Variants in MEAK7 observed in about 807,000 individuals in gnomAD.
MEAK7 encodes the protein MTOR-associated protein MEAK7.
A neutral mutation model predicts 40.5 loss-of-function variants in MEAK7; 68 were observed. The ratio of observed to expected loss-of-function variants is 1.68; its 90% CI spans 1.38 to 2.06. MEAK7 has a LOEUF of 2.06. Among genes scored for constraint, MEAK7 ranks in the 30% most tolerant of loss-of-function variants. The probability of loss-of-function intolerance (pLI) is 0.00; values close to 1 mark genes in which losing one functional copy is unlikely to be tolerated. For synonymous variants in MEAK7, 338 were observed against 231.9 expected (o/e 1.46, Z -4.16); for missense variants, 918 against 580.5 (o/e 1.58, Z -5.98).
At chr16:84,483,988 G>C (rs915960014) in intron 5 of MEAK7, among the ~76,000 whole-genome samples, 2 of 152,166 alleles carry the variant, frequency 1.3e-5, no homozygotes, top group Non-Finnish European at 2.9e-5. Context: ...CCAGAGGCTT[G>C]AGGGCAGGTT....
At chr16:84,489,801 T>C (rs1369871323) in intron 3 of MEAK7, among the ~76,000 whole-genome samples, 1 of 152,136 alleles carries the variant, frequency 6.6e-6, no homozygotes, top group African/African-American at 2.4e-5. Flanking sequence ...TAAGGTTTAT[T>C]TTGCTGAGTT....
In MEAK7 at chr16:84,480,542, G is replaced by C; in HGVS notation, c.1244C>G (p.Ser415Ter). The C allele has an allele frequency of 6.2e-7, 1 of 1,611,450 alleles. No individual in the cohort carries two copies. The highest frequency in any genetic ancestry group is 8.5e-7 in the Non-Finnish European group (1 of 1,178,870). The change falls in exon 7 of 8, where the codon TCA becomes TGA. Residue 415 changes from serine (S) to a stop codon, truncating the protein, a stop_gained. Coordinates refer to ENST00000343629, the MANE Select transcript of MEAK7 (RefSeq NM_020947.4). LOFTEE classifies it low-confidence loss of function (END_TRUNC). ...AGCTCCACTCACCAACTGCTCCTCT[G>C]AGGGGTCTCCAACCGCCCACACCTC... ...KMEVWAVGDPSEEQLAKGNKS... is the reference protein window; with the variant it reads ...KMEVWAVGDP
chr16:84,492,861 C>G (rs567525047), intron 3 of MEAK7, among the ~76,000 whole-genome samples: 2 of 152,162 alleles, frequency 1.3e-5, no homozygotes, highest in Admixed American at 6.5e-5. Context: ...GCATTACAGG[C>G]GTCAGCCACT....
At chr16:84,495,129 C>G (rs1398027803) in intron 3 of MEAK7, among the ~76,000 whole-genome samples, 3 of 152,082 alleles carry the variant, frequency 2.0e-5, no homozygotes, top group Non-Finnish European at 4.4e-5. Context: ...ATCGGCCAGG[C>G]ACGGTGGTGT....
At chr16:84,494,922 G>A (rs1395522520) in intron 3 of MEAK7, 3 of 421,316 alleles carry the variant, frequency 7.1e-6, no homozygotes, top group African/African-American at 4.2e-5. Flanking sequence ...AGTCTTGCAA[G>A]AAACTGCCTT....
At chr16:84,503,961 C>T (rs370755171) in intron 1 of MEAK7, 2 of 985,438 alleles carry the variant, frequency 2.0e-6, no homozygotes, top group Admixed American at 1.2e-4. Flanking sequence ...TCCGTACCCC[C>T]ACAAGCTGGG....
intron 5 of MEAK7, 134 bp from the exon 6 acceptor site, chr16:84,482,844 G>A (rs1439208709): frequency 1.4e-6 from 2 of 1,391,864 alleles, no homozygotes; most frequent in Admixed American, 2.2e-5. Context: ...GGTGTCGGCA[G>A]ATCAGGGTTT....
intron 3 of MEAK7, among the ~76,000 whole-genome samples, chr16:84,493,002 T>A (rs1303621524): frequency 6.6e-6 from 1 of 152,202 alleles, no homozygotes; most frequent in African/African-American, 2.4e-5. Context: ...AAGGGAGACA[T>A]ATTGGGCTTA....
At position 84,495,717 on chromosome 16, in the gene MEAK7, G is replaced by A. The variant is rs371113162; in HGVS notation, c.350C>T (p.Thr117Ile). Reference sequence around the variant, plus strand: ...TTCTCTGGCCTTCACGGGACCTTCTGTGGCAGAAATCATTTTCATAATCAT... The same window carrying A: ...TTCTCTGGCCTTCACGGGACCTTCTATGGCAGAAATCATTTTCATAATCAT... ...SLMIMKMISA[T>I]EGPVKAREVQ... The change falls in exon 3 of 8, where the codon ACA (threonine) becomes ATA (isoleucine). Residue 117 changes from threonine (T) to isoleucine (I), a missense_variant. By Grantham distance (89) the Thr-to-Ile change is moderately conservative. Transcript: ENST00000343629. The A allele has an allele frequency of 1.2e-6, 2 of 1,614,006 alleles. No homozygotes were observed. Among genetic ancestry groups the A allele is most frequent in the Non-Finnish European group, 8.5e-7 (1 of 1,180,050 alleles).
At chr16:84,486,498 C>G in intron 5 of MEAK7, 133 bp downstream of exon 5, 1 of 1,440,444 alleles carries the variant, frequency 6.9e-7, no homozygotes, top group South Asian at 1.5e-5. Flanking sequence ...ATTTTCCTAT[C>G]GCCCCGACTG....
At chr16:84,496,187 G>T (rs1914032967) in intron 2 of MEAK7, among the ~76,000 whole-genome samples, 2 of 152,116 alleles carry the variant, frequency 1.3e-5, no homozygotes, top group East Asian at 1.9e-4. Context: ...CTGGCAACAT[G>T]GCCGCCTCCA....
chr16:84,497,903 C>G (rs369363155), intron 2 of MEAK7, 31 bp downstream of exon 2: 24 of 1,614,084 alleles, frequency 1.5e-5, no homozygotes, highest in Non-Finnish European at 1.8e-5. Context: ...CTGCTCCCAA[C>G]TAAACATGAA....
rs370758867 is a variant in MEAK7 at position 84,480,481 on chromosome 16, C to T, written c.1257+48G>A. ...AATGGTAAGAAAATGCAGAAAGGCC[C>T]CCAGGCTCAAGGGGCCATCCTGGGA... On this transcript the variant is annotated intron_variant, in intron 7 of 7. Coordinates refer to ENST00000343629, the MANE Select transcript of MEAK7 (RefSeq NM_020947.4). 1.0e-5 allele frequency: 16 copies of T among 1,528,604 alleles called. No individual in the cohort carries two copies. In the African/African-American group the frequency reaches 1.4e-4, roughly 13 times the overall value. 94.7% of individuals were successfully genotyped at this position (1,528,604 alleles called of 1,614,324 possible). A position where few individuals can be genotyped will look rare whatever the true frequency, so the allele number is the denominator to read the frequency against.
chr16:84,503,974 G>C, intron 1 of MEAK7: 1 of 985,556 alleles, frequency 1.0e-6, no homozygotes, highest in Non-Finnish European at 1.2e-6. Context: ...AAGCTGGGGA[G>C]ATTCCAACTG....
chr16:84,491,581 A>G (rs576536292), intron 3 of MEAK7, among the ~76,000 whole-genome samples: 115 of 148,634 alleles, frequency 7.7e-4, no homozygotes, highest in African/African-American at 2.7e-3. Flanking sequence ...ACTCACGCCT[A>G]TAATCCCAGC....
At chr16:84,489,980 A>G (rs1913428867) in intron 3 of MEAK7, among the ~76,000 whole-genome samples, 1 of 152,140 alleles carries the variant, frequency 6.6e-6, no homozygotes, top group Non-Finnish European at 1.5e-5. Flanking sequence ...ACTCCTAGGA[A>G]AGTAGATGAA....
At chr16:84,495,124 C>A (rs1313474785) in intron 3 of MEAK7, among the ~76,000 whole-genome samples, 1 of 152,096 alleles carries the variant, frequency 6.6e-6, no homozygotes, top group African/African-American at 2.4e-5. Flanking sequence ...CAAAAATCGG[C>A]CAGGCACGGT....
At chr16:84,489,527 G>A in intron 3 of MEAK7, 105 bp from the exon 4 acceptor site, 1 of 1,305,196 alleles carries the variant, frequency 7.7e-7, no homozygotes, top group Non-Finnish European at 1.0e-6. Context: ...AACTATGATG[G>A]GCCACAATGT....
intron 6 of MEAK7, among the ~76,000 whole-genome samples, chr16:84,481,296 G>C (rs1012325498): frequency 1.3e-5 from 2 of 152,210 alleles, no homozygotes; most frequent in Admixed American, 6.5e-5. Flanking sequence ...ACCTCCTCTG[G>C]TCCCTGGTAG....
Sources: gnomAD v4.1 joint callset for allele counts (sites outside exome capture counted in the v4.1 genomes callset) on GRCh38, gnomAD v4.1.1 for gene constraint, MANE v1.5 for transcripts, NCBI Gene and HGNC (gene_info 2026-07-23, HGNC 2026-07-21) for gene names.